Variants in CHRM3 observed in about 807,000 individuals in gnomAD.
CHRM3 encodes muscarinic acetylcholine receptor M3.
A neutral mutation model predicts 41.8 loss-of-function variants in CHRM3; 11 were observed. The ratio of observed to expected loss-of-function variants is 0.26; its 90% CI spans 0.17 to 0.44. The LOEUF is 0.44. Among genes scored for constraint, CHRM3 ranks in the 20% least tolerant of loss-of-function variants. The pLI, the probability that CHRM3 is intolerant of heterozygous loss-of-function variation, is 1.00. For missense variants in CHRM3, 571 were observed against 745.4 expected, an observed-to-expected ratio of 0.77 and a Z score of 2.72; for synonymous variants, 297 against 301.4, an observed-to-expected ratio of 0.99 and a Z score of 0.15.
chr1:239,522,677 A>G (rs569980648), intron 2 of CHRM3, among the ~76,000 whole-genome samples: 2 of 152,148 alleles, frequency 1.3e-5, no homozygotes, highest in Non-Finnish European at 2.9e-5. Flanking sequence ...GAGGAGGTAG[A>G]GATGTTGTTC....
Position 239,853,652 on chromosome 1 carries a change from G to A in CHRM3, c.-20+26274G>A, listed in dbSNP as rs141186961. Among the ~76,000 whole-genome samples, 13 of 152,060 alleles carry A rather than the reference G, an allele frequency of 8.5e-5. No homozygotes were observed. The East Asian group carries it at 2.5e-3, about 29-fold the overall frequency. On this transcript the variant is annotated intron_variant, in intron 6 of 6. Coordinates refer to ENST00000676153, the MANE Select transcript of CHRM3 (RefSeq NM_001375978.1). Reference sequence around the variant, plus strand: ...TGTACAAAAAAATTAATCAGTTAGTGTATTCTGTTGTATAGATGACAAACT... The same window carrying A: ...TGTACAAAAAAATTAATCAGTTAGTATATTCTGTTGTATAGATGACAAACT...
chr1:239,712,693 G>A (rs1042016502), intron 5 of CHRM3, among the ~76,000 whole-genome samples: 10 of 152,174 alleles, frequency 6.6e-5, no homozygotes, highest in African/African-American at 1.9e-4. Context: ...AAATCTATTC[G>A]GTAAAGACTG....
chr1:239,735,671 T>G (rs946727955), intron 5 of CHRM3, among the ~76,000 whole-genome samples: 1 of 152,178 alleles, frequency 6.6e-6, no homozygotes, highest in African/African-American at 2.4e-5. Context: ...AGTATGTTAT[T>G]TGATCATTGC....
At chr1:239,683,497 G>A (rs1478072030) in intron 5 of CHRM3, among the ~76,000 whole-genome samples, 3 of 152,136 alleles carry the variant, frequency 2.0e-5, no homozygotes, top group Admixed American at 2.0e-4. Context: ...AGGCATAACT[G>A]CCCAAACCTT....
chr1:239,725,283 C>A (rs1490657497), intron 5 of CHRM3, among the ~76,000 whole-genome samples: 1 of 151,876 alleles, frequency 6.6e-6, no homozygotes, highest in African/African-American at 2.4e-5. Flanking sequence ...ACATAAATAC[C>A]TGTAATTGGT....
chr1:239,849,847 G>A (rs545026933), intron 6 of CHRM3, among the ~76,000 whole-genome samples: 1 of 152,260 alleles, frequency 6.6e-6, no homozygotes, highest in African/African-American at 2.4e-5. Context: ...TATTTAACTA[G>A]TTAACTGTAA....
At chr1:239,751,933 C>A (rs1286664518) in intron 5 of CHRM3, among the ~76,000 whole-genome samples, 2 of 152,134 alleles carry the variant, frequency 1.3e-5, no homozygotes. Flanking sequence ...AATAAGACTG[C>A]TGAAGAGCTC....
At chr1:239,699,086 T>C (rs1270408924) in intron 5 of CHRM3, among the ~76,000 whole-genome samples, 1 of 150,910 alleles carries the variant, frequency 6.6e-6, no homozygotes, top group East Asian at 1.9e-4. Flanking sequence ...CTTTGAAGAG[T>C]TTTTTTTTCT....
At chr1:239,662,105 ATGTG>A (rs57202092) in intron 4 of CHRM3, among the ~76,000 whole-genome samples, 2,856 of 144,768 alleles carry the variant, frequency 0.02, 41 homozygotes, top group South Asian at 0.07. Flanking sequence ...TCAGTTTTAG[ATGTG>A]TGTGTGTGTG....
Position 239,672,432 on chromosome 1 carries a change from G to A in CHRM3, c.-249-5754G>A, listed in dbSNP as rs78869915. 3.3e-5 allele frequency among the ~76,000 whole-genome samples: 5 copies of A among 152,252 alleles called. No individual in the cohort carries two copies. The East Asian group carries it at 9.7e-4, about 29-fold the overall frequency. ...CTTACTAGGTCAAGAAAATGCAAATGGCATGCATGCAAGTGATAAACCTCA... is the reference window on the plus strand; with the variant it reads ...CTTACTAGGTCAAGAAAATGCAAATAGCATGCATGCAAGTGATAAACCTCA... On this transcript the variant is annotated intron_variant, in intron 4 of 6. Transcript: ENST00000676153.
chr1:239,565,468 A>G (rs1031778906), intron 3 of CHRM3, among the ~76,000 whole-genome samples: 1 of 152,160 alleles, frequency 6.6e-6, no homozygotes, highest in Non-Finnish European at 1.5e-5. Flanking sequence ...TTTACCCCAG[A>G]TGCTGCATCT....
chr1:239,895,559 CA>C (rs80148546), intron 6 of CHRM3, among the ~76,000 whole-genome samples: 12,620 of 100,360 alleles, frequency 0.13, 747 homozygotes, highest in East Asian at 0.29. Context: ...GACATGGAAT[CA>C]ATCAACCTAA....
intron 1 of CHRM3, among the ~76,000 whole-genome samples, chr1:239,403,584 A>G (rs2102991365): frequency 6.6e-6 from 1 of 152,244 alleles, no homozygotes; most frequent in Middle Eastern, 3.4e-3. Flanking sequence ...TGAGAGGGGT[A>G]GTCTTTTGGA....
rs1558509315 is a variant in CHRM3 at position 239,748,956 on chromosome 1, C to T, written c.-147+70668C>T. Among the ~76,000 whole-genome samples, 2 of 152,162 alleles carry T rather than the reference C, an allele frequency of 1.3e-5. No individual in the cohort carries two copies. Among genetic ancestry groups the T allele is most frequent in the African/African-American group, 2.4e-5 (1 of 41,452 alleles). ...TTGCAAATGGGTGCTGCGTGAGTATCAGTACTGAAATGCTCAGGAAAGACG... is the reference window on the plus strand; with the variant it reads ...TTGCAAATGGGTGCTGCGTGAGTATTAGTACTGAAATGCTCAGGAAAGACG... On this transcript the variant is annotated intron_variant, in intron 5 of 6. Transcript: ENST00000676153. The surrounding 1 kb of genome is among the most constrained non-coding windows in gnomAD (Gnocchi z 4.3).
chr1:239,410,334 C>T (rs904790087), intron 1 of CHRM3, among the ~76,000 whole-genome samples: 5 of 152,006 alleles, frequency 3.3e-5, no homozygotes, highest in Non-Finnish European at 5.9e-5. Flanking sequence ...AGCAGCTTTC[C>T]GCCTCATGAA....
intron 3 of CHRM3, among the ~76,000 whole-genome samples, chr1:239,604,838 A>G (rs1386440750): frequency 6.6e-6 from 1 of 152,200 alleles, no homozygotes; most frequent in Non-Finnish European, 1.5e-5. Flanking sequence ...TAGAACTTCT[A>G]TACTTTTTGA....
chr1:239,526,387 A>T (rs78734877), intron 2 of CHRM3, among the ~76,000 whole-genome samples: 1 of 152,114 alleles, frequency 6.6e-6, no homozygotes, highest in Non-Finnish European at 1.5e-5. Flanking sequence ...TGAACAACTG[A>T]TATTTTTACG....
chr1:239,827,340 T>A lies in CHRM3; in HGVS notation c.-58T>A, dbSNP rs200401521. On this transcript the variant is annotated 5_prime_UTR_variant, in exon 6 of 7. Coordinates refer to ENST00000676153, the MANE Select transcript of CHRM3 (RefSeq NM_001375978.1). ...CATGACCGTAGAGATTATGTCACTGTTTTGCATCCTTGTTACATAACTCAG... is the reference window on the plus strand; with the variant it reads ...CATGACCGTAGAGATTATGTCACTGATTTGCATCCTTGTTACATAACTCAG... 1 of 152,192 alleles carries A rather than the reference T, an allele frequency of 6.6e-6. No individual in the cohort carries two copies. The allele number at this position is 152,192 out of a possible 1,614,324, so 9.4% of individuals were successfully genotyped here.
At chr1:239,407,254 C>A (rs1460323421) in intron 1 of CHRM3, among the ~76,000 whole-genome samples, 2 of 152,104 alleles carry the variant, frequency 1.3e-5, no homozygotes. Flanking sequence ...CTCTAAGTGG[C>A]ATGCGTCACT....
Sources: allele counts gnomAD v4.1 joint callset (sites outside exome capture counted in the v4.1 genomes callset), GRCh38; gene constraint gnomAD v4.1.1; non-coding constraint Gnocchi (gnomAD v3.1); transcripts MANE v1.5; gene names NCBI Gene and HGNC (gene_info 2026-07-23, HGNC 2026-07-21).